ARID1B: variants seen among roughly 807,000 people sequenced by gnomAD.
The protein encoded by ARID1B is AT-rich interactive domain-containing protein 1B.
Under a neutral mutation model 212.3 loss-of-function variants are expected in ARID1B, and 30 were observed. That is an observed-to-expected ratio of 0.14 (90% CI 0.11 to 0.19). The LOEUF (loss-of-function observed/expected upper bound fraction) is 0.19. ARID1B is among the 10% of genes least tolerant of loss of function. The pLI is 1.00. For synonymous variants in ARID1B, 1,402 were observed against 1,301.7 expected (o/e 1.08, Z -1.66); for missense variants, 2,891 against 3,204.0 (o/e 0.90, Z 2.36).
intron 3 of ARID1B, among the ~76,000 whole-genome samples, chr6:156,927,225 T>C (rs764960763): frequency 4.6e-5 from 7 of 152,238 alleles, no homozygotes; most frequent in Non-Finnish European, 1.0e-4. Context: ...TTTTAATTAC[T>C]CTTCATTTCT....
intron 4 of ARID1B, among the ~76,000 whole-genome samples, chr6:157,017,092 G>A (rs1167401648): frequency 6.6e-6 from 1 of 152,196 alleles, no homozygotes; most frequent in African/African-American, 2.4e-5. Context: ...AATTACAAAT[G>A]TAGTTGGATT....
rs529576636 is a variant in ARID1B, at chr6:157,202,688, A to ATCCATT, written c.5264-1176_5264-1171dup. On this transcript the variant is annotated intron_variant, in intron 18 of 19. Coordinates refer to ENST00000636930, the MANE Select transcript of ARID1B (RefSeq NM_001374828.1). ...CACACATATTCCTTTATATATATCT[A>ATCCATT]TCCATTTATATATAATGCATGTGTA... Among the ~76,000 whole-genome samples the ATCCATT allele has an allele frequency of 9.0e-3, 1,354 of 151,240 alleles. 11 individuals are homozygous for ATCCATT. Among genetic ancestry groups the ATCCATT allele is most frequent in the Non-Finnish European group, 0.014 (930 of 67,816 alleles).
intron 4 of ARID1B, among the ~76,000 whole-genome samples, chr6:156,970,368 C>G (rs948052168): frequency 1.3e-5 from 2 of 152,168 alleles, no homozygotes. Context: ...CAGGCATGAG[C>G]CACCTTGCCC....
At position 157,021,436 on chromosome 6, in the gene ARID1B, G is replaced by C. The variant is rs113716361; in HGVS notation, c.2248-63226G>C. 5.6e-3 allele frequency among the ~76,000 whole-genome samples: 847 copies of C among 152,320 alleles called. 14 individuals carry two copies. Among genetic ancestry groups the C allele is most frequent in the African/African-American group, 0.02 (817 of 41,590 alleles). ...GGGCGGCGAGCGCGGAGGGGACCGAGTCACACAGCAGCCCGGCGGCCTCTG... is the reference window on the plus strand; with the variant it reads ...GGGCGGCGAGCGCGGAGGGGACCGACTCACACAGCAGCCCGGCGGCCTCTG... On this transcript the variant is annotated intron_variant, in intron 4 of 19. Transcript: ENST00000636930.
At chr6:156,893,060 T>TTTTTTTTTG (rs1268821728) in intron 2 of ARID1B, among the ~76,000 whole-genome samples, 2 of 137,698 alleles carry the variant, frequency 1.5e-5, no homozygotes, top group Non-Finnish European at 1.5e-5. Context: ...TTTTTTTTTT[T>TTTTTTTTTG]GAGATGGAGT....
At chr6:157,030,885 C>T (rs1248746687) in intron 4 of ARID1B, among the ~76,000 whole-genome samples, 2 of 152,176 alleles carry the variant, frequency 1.3e-5, no homozygotes, top group African/African-American at 2.4e-5. Context: ...AGAGGACGGC[C>T]GCTGTACTCA....
chr6:156,922,471 C>T (rs1790891462), intron 3 of ARID1B, among the ~76,000 whole-genome samples: 1 of 152,120 alleles, frequency 6.6e-6, no homozygotes, highest in Non-Finnish European at 1.5e-5. Flanking sequence ...CATGCCTGGC[C>T]TAGGTAGCTC....
At chr6:156,809,512 A>C (rs1781413916) in intron 1 of ARID1B, among the ~76,000 whole-genome samples, 1 of 152,178 alleles carries the variant, frequency 6.6e-6, no homozygotes, top group African/African-American at 2.4e-5. Context: ...GAAGCAACTT[A>C]GTAATTATGC....
chr6:156,939,375 G>A (rs558264833), intron 4 of ARID1B: 10 of 152,092 alleles, frequency 6.6e-5, no homozygotes, highest in Admixed American at 1.3e-4. Flanking sequence ...TACACTTTTT[G>A]TTGAGTGTTC....
At chr6:156,958,046 A>G (rs1220446892) in intron 4 of ARID1B, among the ~76,000 whole-genome samples, 2 of 152,206 alleles carry the variant, frequency 1.3e-5, no homozygotes, top group Non-Finnish European at 2.9e-5. Context: ...GGTAGTTAGA[A>G]TAATATGTTC....
At chr6:156,801,376 T>G (rs1426552187) in intron 1 of ARID1B, among the ~76,000 whole-genome samples, 2 of 151,878 alleles carry the variant, frequency 1.3e-5, no homozygotes, top group Non-Finnish European at 2.9e-5. Flanking sequence ...ATTTTTTGTA[T>G]TTTTAGTAGG....
intron 8 of ARID1B, chr6:157,166,264 T>C (rs930900831): frequency 1.3e-5 from 2 of 152,196 alleles, no homozygotes; most frequent in South Asian, 4.1e-4. Flanking sequence ...GAGAATACTC[T>C]TGACCTCTTT....
chr6:156,895,400 C>T lies in ARID1B; in HGVS notation c.1987-5976C>T, dbSNP rs571448731. 2.6e-5 allele frequency among the ~76,000 whole-genome samples: 4 copies of T among 152,276 alleles called. No individual in the cohort carries two copies. In the South Asian group the frequency reaches 8.3e-4, roughly 32 times the overall value. On this transcript the variant is annotated intron_variant, in intron 2 of 19. Coordinates refer to ENST00000636930, the MANE Select transcript of ARID1B (RefSeq NM_001374828.1). The stretch of plus-strand genomic sequence containing the variant: ...TGGCTTGTGAGGAGAGGGACAGTCG[C>T]TCAGACACCAGAACTCAGAAGAGCT...
chr6:156,949,181 T>G, intron 4 of ARID1B, among the ~76,000 whole-genome samples: 1 of 152,206 alleles, frequency 6.6e-6, no homozygotes, highest in Non-Finnish European at 1.5e-5. Context: ...GATTTTATTA[T>G]TTTTACTACT....
At chr6:157,023,724 C>G (rs1020631393) in intron 4 of ARID1B, 1 of 152,240 alleles carries the variant, frequency 6.6e-6, no homozygotes, top group Non-Finnish European at 1.5e-5. Context: ...CTTATGACTT[C>G]TGCCCCTCCA....
chr6:157,141,951 C>A (rs1184630611), intron 7 of ARID1B, among the ~76,000 whole-genome samples: 1 of 152,182 alleles, frequency 6.6e-6, no homozygotes, highest in Non-Finnish European at 1.5e-5. Context: ...ATTCCTACCA[C>A]ACAAAGACCT....
At chr6:157,126,348 C>T (rs773952222) in intron 6 of ARID1B, among the ~76,000 whole-genome samples, 2 of 152,144 alleles carry the variant, frequency 1.3e-5, no homozygotes, top group East Asian at 1.9e-4. Context: ...AGCCTCTAAA[C>T]AGATCTGCTT....
At chr6:156,821,962 G>T (rs1180391688) in intron 1 of ARID1B, among the ~76,000 whole-genome samples, 1 of 151,984 alleles carries the variant, frequency 6.6e-6, no homozygotes, top group East Asian at 1.9e-4. Flanking sequence ...ATAATTTCAT[G>T]GTTCTTAGAG....
intron 3 of ARID1B, among the ~76,000 whole-genome samples, chr6:156,906,668 G>A (rs1009510152): frequency 2.7e-5 from 4 of 150,698 alleles, no homozygotes; most frequent in Admixed American, 6.6e-5. Flanking sequence ...CACTGTTGCT[G>A]TGCTGTAGAA....
Sources: allele counts gnomAD v4.1 joint callset (sites outside exome capture counted in the v4.1 genomes callset), GRCh38; gene constraint gnomAD v4.1.1; transcripts MANE v1.5; gene names NCBI Gene and HGNC (gene_info 2026-07-23, HGNC 2026-07-21).